The following PHF3 variants were observed in gnomAD, a reference collection of about 807,000 sequenced individuals.
The protein encoded by PHF3 is PHD finger protein 3.
In PHF3, 41 loss-of-function variants were observed where a neutral mutation model predicts 178.4. That is an observed-to-expected ratio of 0.23 (90% CI 0.18 to 0.30). The LOEUF (loss-of-function observed/expected upper bound fraction) is 0.30, where lower values mean the gene tolerates loss of function less well. Among genes scored for constraint, PHF3 ranks in the 10% least tolerant of loss-of-function variants. The pLI, the probability that PHF3 is intolerant of heterozygous loss-of-function variation, is 1.00. For missense variants in PHF3, 2,346 were observed against 2,398.1 expected (o/e 0.98, Z 0.45); for synonymous variants, 842 against 800.5 (o/e 1.05, Z -0.88).
chr6:63,709,334 G>A (rs1226589614), intron 14 of PHF3, 94 bp downstream of exon 14: 1 of 821,558 alleles, frequency 1.2e-6, no homozygotes, highest in Non-Finnish European at 2.0e-6. Flanking sequence ...GTCTCCTGGG[G>A]AAAGGAGGCA....
In PHF3 at chr6:63,642,051, G is replaced by A. The variant is rs182191696; in HGVS notation, c.-25-4476G>A. Among the ~76,000 whole-genome samples, 1,020 of 152,286 alleles carry A rather than the reference G, an allele frequency of 6.7e-3. 2 individuals carry two copies. The highest frequency in any genetic ancestry group is 9.8e-3 in the Admixed American group (150 of 15,300). On this transcript the variant is annotated intron_variant, in intron 1 of 15. Transcript: ENST00000262043. Reference sequence around the variant, plus strand: ...TTAGTATAAACTAAACCTGACTTCAGTATAATTCTCTGAGAATTACAGATG... The same window carrying A: ...TTAGTATAAACTAAACCTGACTTCAATATAATTCTCTGAGAATTACAGATG...
Position 63,685,256 on chromosome 6 carries a change from G to A in PHF3, c.1534G>A (p.Ala512Thr), listed in dbSNP as rs763791688. Residue 512 changes from alanine to threonine, a missense_variant, in exon 4 of 16, where the codon GCA (alanine) becomes ACA (threonine). Ala to Thr is a moderately conservative substitution (Grantham distance 58, BLOSUM62 0). Coordinates refer to ENST00000262043, the MANE Select transcript of PHF3 (RefSeq NM_001370348.2). ...TTDAPKKIVAAKYEVIHSKTK... is the reference protein window; with the variant it reads ...TTDAPKKIVATKYEVIHSKTK... ...AGATGCTCCGAAGAAAATTGTTGCA[G>A]CAAAGTATGAAGTAATACATAGCAA... 1.2e-6 allele frequency: 2 copies of A among 1,613,928 alleles called. No individual in the cohort carries two copies. The highest frequency in any genetic ancestry group is 1.7e-5 in the Admixed American group (1 of 60,000).
rs985812263 is a variant in PHF3 at position 63,703,556 on chromosome 6, A to G, written c.3252A>G (p.Ser1084=). 3 of 1,611,378 alleles carry G rather than the reference A, an allele frequency of 1.9e-6. No individual in the cohort carries two copies. Among genetic ancestry groups the G allele is most frequent in the Non-Finnish European group, 2.5e-6 (3 of 1,179,354 alleles). Reference sequence around the variant, plus strand: ...GTTAGGAACCAGCCGCCAATAAGTCATTGGAGAAGCCAGAAGGATCTGAAA... The same window carrying G: ...GTTAGGAACCAGCCGCCAATAAGTCGTTGGAGAAGCCAGAAGGATCTGAAA... ...MEIQEPAANK[S]LEKPEGSEKQ... is the part of the protein sequence containing the mutation. Residue 1084 remains serine, a synonymous_variant, in exon 11 of 16, where the codon TCA becomes TCG. Transcript: ENST00000262043.
chr6:63,695,270 G>A (rs774360116), intron 6 of PHF3, among the ~76,000 whole-genome samples: 1 of 152,172 alleles, frequency 6.6e-6, no homozygotes, highest in Non-Finnish European at 1.5e-5. Flanking sequence ...GAAAGCCACT[G>A]TAGAGTGATT....
intron 2 of PHF3, among the ~76,000 whole-genome samples, chr6:63,653,325 G>A (rs944954631): frequency 2.6e-5 from 4 of 151,786 alleles, no homozygotes; most frequent in African/African-American, 7.2e-5. Flanking sequence ...AACCACGAAC[G>A]TTGGATGTCT....
intron 3 of PHF3, among the ~76,000 whole-genome samples, chr6:63,683,837 A>C (rs553802083): frequency 1.3e-5 from 2 of 152,234 alleles, no homozygotes; most frequent in Non-Finnish European, 2.9e-5. Flanking sequence ...TTTATGGAAA[A>C]GAGATTTGAT....
intron 2 of PHF3, among the ~76,000 whole-genome samples, chr6:63,654,191 G>A (rs994889978): frequency 2.6e-5 from 4 of 152,108 alleles, no homozygotes; most frequent in African/African-American, 9.7e-5. Flanking sequence ...TTGAGAATTG[G>A]TATTTGTTCT....
At position 63,698,343 on chromosome 6, in the gene PHF3, C is replaced by A; in HGVS notation, c.2801C>A (p.Ser934Tyr). 6.2e-7 allele frequency: 1 copy of A among 1,610,844 alleles called. No homozygotes were observed. The highest frequency in any genetic ancestry group is 1.1e-5 in the South Asian group (1 of 90,162). The change falls in exon 7 of 16, where the codon TCT becomes TAT. Residue 934 changes from serine to tyrosine, a missense_variant. Around this residue, in one of 8 missense-constraint regions of PHF3, gnomAD observed 252 missense variants for 232.0 expected, o/e 1.09. Transcript: ENST00000262043. ...ADQIRQSVRH[S>Y]LKDILMKRLT... ...CAGATCAGGCAAAGTGTCAGACATTCTCTCAAAGACATTCTTATGAAGAGG... is the reference window on the plus strand; with the variant it reads ...CAGATCAGGCAAAGTGTCAGACATTATCTCAAAGACATTCTTATGAAGAGG...
intron 3 of PHF3, among the ~76,000 whole-genome samples, chr6:63,681,903 A>G (rs1766455873): frequency 6.6e-6 from 1 of 152,080 alleles, no homozygotes; most frequent in African/African-American, 2.4e-5. Context: ...GCGTCAGTGT[A>G]TAGCAATCTG....
In PHF3 at chr6:63,716,415, C is replaced by G. The variant is rs559932915; in HGVS notation, c.*2707C>G. ...CCCTTCACTGAGCAACCCAACTGTT[C>G]AGTGTGAGTCAGAAGACACAACCAA... On this transcript the variant is annotated 3_prime_UTR_variant, in exon 16 of 16. Transcript: ENST00000262043. 1.3e-5 allele frequency among the ~76,000 whole-genome samples: 2 copies of G among 152,252 alleles called. No homozygotes were observed. Among genetic ancestry groups the G allele is most frequent in the East Asian group, 3.9e-4 (2 of 5,184 alleles).
chr6:63,673,392 C>T (rs937932041), intron 2 of PHF3, among the ~76,000 whole-genome samples: 3 of 151,842 alleles, frequency 2.0e-5, no homozygotes, highest in Non-Finnish European at 2.9e-5. Context: ...CCTTATAAAC[C>T]CCAACTCAGG....
intron 2 of PHF3, among the ~76,000 whole-genome samples, chr6:63,654,792 TG>T (rs1201136864): frequency 6.6e-6 from 1 of 151,874 alleles, no homozygotes; most frequent in African/African-American, 2.4e-5. Flanking sequence ...GTTCCCTGGC[TG>T]GGCATATAGG....
chr6:63,706,186 A>G lies in PHF3; in HGVS notation c.3525A>G (p.Lys1175=). ...ILASEFFEEE[K]QESPKSTFSP... ...CTTCTGAATTCTTTGAGGAGGAGAA[A>G]CAGGAGTCTCCAAAGTCAACGTTCT... The change falls in exon 12 of 16, where the codon AAA becomes AAG. Residue 1175 remains lysine, a synonymous_variant. Coordinates refer to ENST00000262043, the MANE Select transcript of PHF3 (RefSeq NM_001370348.2). 6.2e-7 allele frequency: 1 copy of G among 1,613,822 alleles called. No homozygotes were observed. The highest frequency in any genetic ancestry group is 2.2e-5 in the East Asian group (1 of 44,852).
At chr6:63,645,752 A>G (rs1263668869) in intron 1 of PHF3, among the ~76,000 whole-genome samples, 1 of 152,310 alleles carries the variant, frequency 6.6e-6, no homozygotes, top group Non-Finnish European at 1.5e-5. Flanking sequence ...TTGCTGAGCA[A>G]TGTAGGTACA....
chr6:63,694,657 A>T lies in PHF3; in HGVS notation c.2573A>T (p.Lys858Met), dbSNP rs928294218. The T allele has an allele frequency of 6.3e-7, 1 of 1,598,432 alleles. No individual in the cohort carries two copies. The highest frequency in any genetic ancestry group is 8.5e-7 in the Non-Finnish European group (1 of 1,171,518). ...IKKWQLAPLRKMGQPVLPRRS... is the reference protein window; with the variant it reads ...IKKWQLAPLRMMGQPVLPRRS... ...AAATGGCAGCTAGCTCCTCTTCGTAAGATGGGACAACCAGTTTTACCTCGG... is the reference window on the plus strand; with the variant it reads ...AAATGGCAGCTAGCTCCTCTTCGTATGATGGGACAACCAGTTTTACCTCGG... Residue 858 changes from lysine (K) to methionine (M), a missense_variant, in exon 6 of 16, where the codon AAG becomes ATG. Coordinates refer to ENST00000262043, the MANE Select transcript of PHF3 (RefSeq NM_001370348.2).
rs1198497886 is a variant in PHF3 at position 63,691,720 on chromosome 6, G to T, written c.2190-17G>T. 3 of 1,534,528 alleles carry T rather than the reference G, an allele frequency of 2.0e-6. No individual in the cohort carries two copies. The highest frequency in any genetic ancestry group is 2.2e-5 in the Admixed American group (1 of 46,372). On this transcript the variant is annotated splice_polypyrimidine_tract_variant and intron_variant, in intron 4 of 15. Transcript: ENST00000262043. ...TTAAAAAAAGGGATAAAAGTTTTTT[G>T]GTGTTCTGTTTTCCAGGTTTATGGT...
At chr6:63,686,819 A>G (rs1441482813) in intron 4 of PHF3, among the ~76,000 whole-genome samples, 1 of 152,202 alleles carries the variant, frequency 6.6e-6, no homozygotes, top group Non-Finnish European at 1.5e-5. Flanking sequence ...TTTTCCCAGC[A>G]CTATCTTAGT....
Position 63,721,537 on chromosome 6 carries a change from C to G in PHF3, c.*7829C>G, listed in dbSNP as rs1409670524. Reference sequence around the variant, plus strand: ...TCATTTTCTATTGCCATGGGATTTACAAGATTTAAAGAAGATACTCCTCCA... The same window carrying G: ...TCATTTTCTATTGCCATGGGATTTAGAAGATTTAAAGAAGATACTCCTCCA... On this transcript the variant is annotated 3_prime_UTR_variant, in exon 16 of 16. Coordinates refer to ENST00000262043, the MANE Select transcript of PHF3 (RefSeq NM_001370348.2). 2 of 1,551,604 alleles carry G rather than the reference C, an allele frequency of 1.3e-6. No homozygotes were observed. The highest frequency in any genetic ancestry group is 1.7e-6 in the Non-Finnish European group (2 of 1,146,794).
chr6:63,664,179 A>G (rs1309555158), intron 2 of PHF3, among the ~76,000 whole-genome samples: 3 of 152,186 alleles, frequency 2.0e-5, no homozygotes, highest in Non-Finnish European at 4.4e-5. Context: ...TTCCTAGTTC[A>G]TTGGTCATCC....
Sources: gnomAD v4.1 joint callset for allele counts (sites outside exome capture counted in the v4.1 genomes callset) on GRCh38, gnomAD v4.1.1 for gene constraint, gnomAD v4.1.1 regional missense constraint, MANE v1.5 for transcripts, NCBI Gene and HGNC (gene_info 2026-07-23, HGNC 2026-07-21) for gene names.